The following CHP2 variants were observed in gnomAD, a reference collection of about 807,000 sequenced individuals.
CHP2 encodes the protein calcineurin like EF-hand protein 2, also known as calcineurin B homologous protein 2.
In CHP2, 31 loss-of-function variants were observed where a neutral mutation model predicts 24.7. The observed-to-expected ratio is 1.26, with a 90% CI of 0.94 to 1.69. The LOEUF is 1.69. CHP2 is among the 40% of genes most tolerant of loss of function. The pLI is 0.00. For missense variants in CHP2, 319 were observed against 261.5 expected (o/e 1.22, Z -1.52); for synonymous variants, 97 against 99.1 (o/e 0.98, Z 0.13).
chr16:23,755,133 C>G lies in CHP2; in HGVS notation c.67+17C>G. 3.8e-6 allele frequency: 6 copies of G among 1,588,736 alleles called. No homozygotes were observed. Among genetic ancestry groups the G allele is most frequent in the Non-Finnish European group, 5.1e-6 (6 of 1,167,654 alleles). On this transcript the variant is annotated intron_variant, in intron 1 of 6. Coordinates refer to ENST00000300113, the MANE Select transcript of CHP2 (RefSeq NM_022097.4). ...AGACCGGCTGTGAGTGCGCCCGCGT[C>G]GGCGGCTGCGGAGGGGACGGGGCGA...
rs1042703323 is a variant in CHP2, at chr16:23,756,293, C to G, written c.353-95C>G. The G allele has an allele frequency of 1.5e-5, 24 of 1,577,968 alleles. No individual in the cohort carries two copies. In the East Asian group the frequency reaches 5.2e-4, roughly 34 times the overall value. On this transcript the variant is annotated intron_variant, in intron 4 of 6. Transcript: ENST00000300113. ...CTCCCTTCCTGAGGGCATTGACAAC[C>G]TCCCCCCTCCTCCAAGGTGGGGGGA...
rs1961261803 is a variant in CHP2, at chr16:23,758,818, C to A, written c.*1235C>A. 1 of 152,210 alleles carries A rather than the reference C, an allele frequency of 6.6e-6. No individual in the cohort carries two copies. The highest frequency in any genetic ancestry group is 1.5e-5 in the Non-Finnish European group (1 of 68,070). The allele number at this position is 152,210 out of a possible 1,614,324, so 9.4% of individuals were successfully genotyped here. A position where few individuals can be genotyped will look rare whatever the true frequency, so the allele number is the denominator to read the frequency against. On this transcript the variant is annotated 3_prime_UTR_variant, in exon 7 of 7. Coordinates refer to ENST00000300113, the MANE Select transcript of CHP2 (RefSeq NM_022097.4). ...AGAGATGCCCATTACTGTGAGGGACCCTTGAAGTCTGGACTCTTAAATGGG... is the reference window on the plus strand; with the variant it reads ...AGAGATGCCCATTACTGTGAGGGACACTTGAAGTCTGGACTCTTAAATGGG...
chr16:23,756,447 C>A lies in CHP2; in HGVS notation c.412C>A (p.Gln138Lys). Residue 138 changes from glutamine to lysine, a missense_variant and splice_region_variant, in exon 5 of 7, where the codon CAG becomes AAG. Gln to Lys is a moderately conservative substitution (Grantham distance 53). Coordinates refer to ENST00000300113, the MANE Select transcript of CHP2 (RefSeq NM_022097.4). ...DGKISRHEML[Q>K]VLRLMVGVQV... Reference sequence around the variant, plus strand: ...GAAGATCTCCAGGCATGAGATGCTGCAGGTTGGCAGAAAGCGAGAGCAAGA... The same window carrying A: ...GAAGATCTCCAGGCATGAGATGCTGAAGGTTGGCAGAAAGCGAGAGCAAGA... 6.2e-7 allele frequency: 1 copy of A among 1,613,124 alleles called. No homozygotes were observed. The highest frequency in any genetic ancestry group is 8.5e-7 in the Non-Finnish European group (1 of 1,179,276).
At position 23,757,594 on chromosome 16, in the gene CHP2, G is replaced by A. The variant is rs944966416; in HGVS notation, c.*11G>A. 1.9e-6 allele frequency: 3 copies of A among 1,613,412 alleles called. No individual in the cohort carries two copies. The highest frequency in any genetic ancestry group is 2.5e-6 in the Non-Finnish European group (3 of 1,179,460). On this transcript the variant is annotated 3_prime_UTR_variant, in exon 7 of 7. Coordinates refer to ENST00000300113, the MANE Select transcript of CHP2 (RefSeq NM_022097.4). ...CGGATCCTGAAGTGACTCCGTTTGT[G>A]CCTTGGGCTTGCTCCTGCAACCAGT...
At chr16:23,756,272 C>A in intron 4 of CHP2, 79 bp downstream of exon 4, 3 of 1,593,612 alleles carry the variant, frequency 1.9e-6, no homozygotes, top group Middle Eastern at 1.7e-4. Flanking sequence ...CTCCCACTCC[C>A]TTCCTGAGGG....
At chr16:23,755,764 CCTCTGT>C in intron 2 of CHP2, 31 bp downstream of exon 2, 1 of 1,613,268 alleles carries the variant, frequency 6.2e-7, no homozygotes, top group Non-Finnish European at 8.5e-7. Context: ...TAACTTCTGG[CCTCTGT>C]CTCTCTGACT....
chr16:23,755,877 C>A lies in CHP2; in HGVS notation c.171C>A (p.Leu57=), dbSNP rs145327184. The A allele has an allele frequency of 6.2e-7, 1 of 1,614,186 alleles. No individual in the cohort carries two copies. Among genetic ancestry groups the A allele is most frequent in the Admixed American group, 1.7e-5 (1 of 60,020 alleles). Reference sequence around the variant, plus strand: ...TGGATCTCCAGCAGATAGGGGCGCTCGCCGTGAACCCCCTGGGAGACCGAA... The same window carrying A: ...TGGATCTCCAGCAGATAGGGGCGCTAGCCGTGAACCCCCTGGGAGACCGAA... The part of the protein sequence containing the change: ...SRMDLQQIGA[L]AVNPLGDRII... The change falls in exon 3 of 7, where the codon CTC becomes CTA. Residue 57 remains leucine (L), a synonymous_variant. Transcript: ENST00000300113.
chr16:23,756,985 G>A (rs545616040), intron 5 of CHP2, among the ~76,000 whole-genome samples: 9 of 152,122 alleles, frequency 5.9e-5, no homozygotes, highest in Non-Finnish European at 8.8e-5. Flanking sequence ...ATGAGTTTGA[G>A]CATATTTTGA....
chr16:23,755,692 C>T lies in CHP2; in HGVS notation c.99C>T (p.His33=). Residue 33 remains histidine, a synonymous_variant, in exon 2 of 7, where the codon CAC becomes CAT. Coordinates refer to ENST00000300113, the MANE Select transcript of CHP2 (RefSeq NM_022097.4). ...AAGCCAGCCTGCTCCGCCTGCACCA[C>T]CGGTTCCGGGCACTGGACAGGAATA... ...FSQASLLRLH[H]RFRALDRNKK... 6.2e-7 allele frequency: 1 copy of T among 1,614,176 alleles called. No homozygotes were observed. The highest frequency in any genetic ancestry group is 8.5e-7 in the Non-Finnish European group (1 of 1,180,040).
In CHP2 at chr16:23,757,536, G is replaced by A. The variant is rs1261075020; in HGVS notation, c.544G>A (p.Glu182Lys). Residue 182 changes from glutamate (E) to lysine (K), a missense_variant, in exon 7 of 7, where the codon GAG becomes AAG. Transcript: ENST00000300113. ...VSFVEFTKSL[E>K]KMDVEQKMSI... ...CCATTTGTTTTTCCCTCAGTCCTTA[G>A]AGAAGATGGACGTTGAGCAAAAAAT... 6.2e-7 allele frequency: 1 copy of A among 1,614,062 alleles called. No individual in the cohort carries two copies. Among genetic ancestry groups the A allele is most frequent in the Non-Finnish European group, 8.5e-7 (1 of 1,179,988 alleles).
chr16:23,756,066 C>A lies in CHP2; in HGVS notation c.225C>A (p.Ser75Arg). 3 of 1,613,960 alleles carry A rather than the reference C, an allele frequency of 1.9e-6. No individual in the cohort carries two copies. The highest frequency in any genetic ancestry group is 2.5e-6 in the Non-Finnish European group (3 of 1,179,992). Residue 75 changes from serine (S) to arginine (R), a missense_variant, in exon 4 of 7, where the codon AGC becomes AGA. Ser to Arg is a moderately radical substitution (Grantham distance 110, BLOSUM62 -1). Transcript: ENST00000300113. ...RIIESFFPDG[S>R]QRVDFPGFVR... Reference sequence around the variant, plus strand: ...CCATTCTGTCCCGTCTCCCCAGGAGCCAGCGAGTGGATTTCCCAGGCTTTG... The same window carrying A: ...CCATTCTGTCCCGTCTCCCCAGGAGACAGCGAGTGGATTTCCCAGGCTTTG...
chr16:23,757,760 C>A lies in CHP2; in HGVS notation c.*177C>A. ...TACTAAAGTCTAGCTCAGCAGTCCC[C>A]AACCTTTTTGGCATCAGGGACAGTT... On this transcript the variant is annotated 3_prime_UTR_variant, in exon 7 of 7. Transcript: ENST00000300113. 1.5e-6 allele frequency: 1 copy of A among 654,390 alleles called. No homozygotes were observed. The allele number at this position is 654,390 out of a possible 1,614,324, so 40.5% of individuals were successfully genotyped here. A position where few individuals can be genotyped will look rare whatever the true frequency, so the allele number is the denominator to read the frequency against.
Position 23,757,271 on chromosome 16 carries a change from AG to A in CHP2, c.487del (p.Glu163ArgfsTer19). Reference protein sequence around the residue: ...QLENIADRTVQEADEDGDGAV... With the variant: ...QLENIADRTVXEADEDGDGAV... ...GAGAACATCGCTGACCGCACGGTGC[AG>A]GAGGCTGATGAAGATGGGGATGGGG... On this transcript the variant is annotated frameshift_variant, in exon 6 of 7. Transcript: ENST00000300113. LOFTEE classifies it high-confidence loss of function. The A allele has an allele frequency of 6.2e-7, 1 of 1,614,018 alleles. No individual in the cohort carries two copies.
rs1961247123 is a variant in CHP2, at chr16:23,757,707, GC to G, written c.*126del. 2.3e-6 allele frequency: 2 copies of G among 884,470 alleles called. No homozygotes were observed. The highest frequency in any genetic ancestry group is 3.8e-6 in the Non-Finnish European group (2 of 523,720). 54.8% of individuals were successfully genotyped at this position (884,470 alleles called of 1,614,324 possible). A position where few individuals can be genotyped will look rare whatever the true frequency, so the allele number is the denominator to read the frequency against. On this transcript the variant is annotated 3_prime_UTR_variant, in exon 7 of 7. Coordinates refer to ENST00000300113, the MANE Select transcript of CHP2 (RefSeq NM_022097.4). ...ATTTTCGTTTCTAACTCTATTTAGG[GC>G]CAAGAGAAGAAAGCTGGAAGGATGT... is the stretch of plus-strand genomic sequence containing the variant.
intron 1 of CHP2, 50 bp downstream of exon 1, chr16:23,755,166 C>T (rs776762068): frequency 1.4e-6 from 2 of 1,394,624 alleles, no homozygotes; most frequent in Non-Finnish European, 1.0e-6. Context: ...CGAACCCAGG[C>T]GTCTGGGGCT....
intron 5 of CHP2, 139 bp downstream of exon 5, chr16:23,756,588 GCA>G: frequency 1.4e-6 from 1 of 740,520 alleles, no homozygotes; most frequent in South Asian, 1.6e-5. Flanking sequence ...GGGAATGGGT[GCA>G]GTTAGAGTGT....
At position 23,758,379 on chromosome 16, in the gene CHP2, A is replaced by G. The variant is rs1961255995; in HGVS notation, c.*796A>G. 6.6e-6 allele frequency: 1 copy of G among 152,262 alleles called. No individual in the cohort carries two copies. The highest frequency in any genetic ancestry group is 1.5e-5 in the Non-Finnish European group (1 of 68,060). 9.4% of individuals were successfully genotyped at this position (152,262 alleles called of 1,614,324 possible). A position where few individuals can be genotyped will look rare whatever the true frequency, so the allele number is the denominator to read the frequency against. On this transcript the variant is annotated 3_prime_UTR_variant, in exon 7 of 7. Transcript: ENST00000300113. The stretch of plus-strand genomic sequence containing the variant: ...TCCAGAAGTATCTGCCTTTAGGCAC[A>G]GCTGGATCCAAGGGCACAAATGATG...
rs938092079 is a variant in CHP2, at chr16:23,755,136, C to T, written c.67+20C>T. On this transcript the variant is annotated intron_variant, in intron 1 of 6. Coordinates refer to ENST00000300113, the MANE Select transcript of CHP2 (RefSeq NM_022097.4). The stretch of plus-strand genomic sequence containing the variant: ...CCGGCTGTGAGTGCGCCCGCGTCGG[C>T]GGCTGCGGAGGGGACGGGGCGAACC... 6.3e-7 allele frequency: 1 copy of T among 1,586,242 alleles called. No individual in the cohort carries two copies. The highest frequency in any genetic ancestry group is 8.6e-7 in the Non-Finnish European group (1 of 1,165,592).
intron 4 of CHP2, 86 bp from the exon 5 acceptor site, chr16:23,756,302 C>T: frequency 6.3e-7 from 1 of 1,584,122 alleles, no homozygotes; most frequent in Non-Finnish European, 8.6e-7. Context: ...CCTCCCCCCT[C>T]CTCCAAGGTG....
Sources: gnomAD v4.1 joint callset for allele counts (sites outside exome capture counted in the v4.1 genomes callset) on GRCh38, gnomAD v4.1.1 for gene constraint, MANE v1.5 for transcripts, NCBI Gene and HGNC (gene_info 2026-07-23, HGNC 2026-07-21) for gene names.